APBB2: variants seen among roughly 807,000 people sequenced by gnomAD.
APBB2 encodes amyloid beta precursor protein binding family B member 2.
A neutral mutation model predicts 82.5 loss-of-function variants in APBB2; 38 were observed. The ratio of observed to expected loss-of-function variants is 0.46; its 90% confidence interval spans 0.36 to 0.60. The LOEUF is 0.60. Among genes scored for constraint, APBB2 ranks in the 20% least tolerant of loss-of-function variants. The probability of loss-of-function intolerance (pLI) is 0.00; values close to 1 mark genes in which losing one functional copy is unlikely to be tolerated. For synonymous variants in APBB2, 341 were observed against 368.2 expected, an observed-to-expected ratio of 0.93 and a Z score of 0.85; for missense variants, 772 against 972.3, an observed-to-expected ratio of 0.79 and a Z score of 2.74.
At chr4:40,979,584 A>G (rs1244505788) in intron 6 of APBB2, among the ~76,000 whole-genome samples, 1 of 152,244 alleles carries the variant, frequency 6.6e-6, no homozygotes, top group Non-Finnish European at 1.5e-5. Context: ...GCAAGCTCCT[A>G]AGAGAGAAGC....
rs112323153 is a variant in APBB2 at position 40,845,636 on chromosome 4, T to C, written c.1530-15059A>G. 4.7e-3 allele frequency among the ~76,000 whole-genome samples: 552 copies of C among 118,644 alleles called. 8 individuals carry two copies. The highest frequency in any genetic ancestry group is 0.017 in the African/African-American group (528 of 30,284). The allele number at this position is 118,644 out of a possible 152,430, so 77.8% of individuals were successfully genotyped here. A position where few individuals can be genotyped will look rare whatever the true frequency, so the allele number is the denominator to read the frequency against. On this transcript the variant is annotated intron_variant, in intron 12 of 17. Coordinates refer to ENST00000508593, the MANE Select transcript of APBB2 (RefSeq NM_004307.2). ...AAAAACCAGCACACCAGAATGACAA[T>C]GTCTATTCCAGCTTTTTGGAAGAGG...
chr4:41,121,965 C>G (rs1752976486), intron 2 of APBB2, among the ~76,000 whole-genome samples: 1 of 152,016 alleles, frequency 6.6e-6, no homozygotes, highest in African/African-American at 2.4e-5. Flanking sequence ...CTCACACTGT[C>G]ACCAAAGCTG....
intron 10 of APBB2, among the ~76,000 whole-genome samples, chr4:40,899,747 G>A (rs1341637452): frequency 6.6e-6 from 1 of 152,118 alleles, no homozygotes; most frequent in Non-Finnish European, 1.5e-5. Context: ...CTAGGTTTCT[G>A]TCCTTTTCCT....
intron 4 of APBB2, among the ~76,000 whole-genome samples, chr4:41,036,303 G>A (rs1020616912): frequency 1.2e-4 from 18 of 152,154 alleles, no homozygotes; most frequent in African/African-American, 4.1e-4. Context: ...CTCAAATACC[G>A]AGGGATGACT....
chr4:41,037,984 G>A (rs1719908440), intron 4 of APBB2, among the ~76,000 whole-genome samples: 2 of 152,084 alleles, frequency 1.3e-5, no homozygotes, highest in African/African-American at 4.8e-5. Flanking sequence ...GCCACTACAA[G>A]TTCTACACTG....
chr4:40,828,609 C>T (rs370896463), intron 13 of APBB2, among the ~76,000 whole-genome samples: 27 of 152,300 alleles, frequency 1.8e-4, no homozygotes, highest in African/African-American at 6.5e-4. Context: ...GGTCATTGCC[C>T]TCTCCCCAGT....
chr4:41,208,114 G>A lies in APBB2; in HGVS notation c.-417+6291C>T, dbSNP rs144895819. Among the ~76,000 whole-genome samples, 209 of 152,230 alleles carry A rather than the reference G, an allele frequency of 1.4e-3. 2 individuals carry two copies. The highest frequency in any genetic ancestry group is 4.4e-3 in the African/African-American group (184 of 41,540). ...GTGGAAACTGAGCTCTGACTTACACGACAGGGACACATCCCATACCTCCAG... is the reference window on the plus strand; with the variant it reads ...GTGGAAACTGAGCTCTGACTTACACAACAGGGACACATCCCATACCTCCAG... On this transcript the variant is annotated intron_variant, in intron 1 of 17. Transcript: ENST00000508593.
At chr4:40,818,805 T>C (rs1746732157) in intron 17 of APBB2, among the ~76,000 whole-genome samples, 1 of 152,192 alleles carries the variant, frequency 6.6e-6, no homozygotes, top group Non-Finnish European at 1.5e-5. Flanking sequence ...CCCTCCTTCC[T>C]GCTCTATTTC....
At chr4:41,195,996 C>T in intron 1 of APBB2, among the ~76,000 whole-genome samples, 6 of 151,278 alleles carry the variant, frequency 4.0e-5, no homozygotes, top group Non-Finnish European at 7.4e-5. Flanking sequence ...CCGTCTCTAC[C>T]GAAACTACAA....
intron 10 of APBB2, among the ~76,000 whole-genome samples, chr4:40,907,363 ATATATATATATATATATTTTTTT>A (rs1328524404): frequency 3.6e-4 from 33 of 91,178 alleles, no homozygotes; most frequent in African/African-American, 1.4e-3. Context: ...ATATATATAT[ATATATATATATATATATTTTTTT>A]TTTTTTTTTT....
At chr4:40,894,224 C>T (rs2154353358) in intron 10 of APBB2, among the ~76,000 whole-genome samples, 1 of 150,146 alleles carries the variant, frequency 6.7e-6, no homozygotes, top group Admixed American at 6.7e-5. Flanking sequence ...GAAGGCAGAG[C>T]TTGCAGTGAG....
intron 10 of APBB2, among the ~76,000 whole-genome samples, chr4:40,932,072 C>T (rs1185663467): frequency 2.0e-4 from 31 of 152,218 alleles, no homozygotes; most frequent in Admixed American, 2.0e-3. Context: ...GCCCAACCCA[C>T]TGACTTGGAT....
intron 2 of APBB2, among the ~76,000 whole-genome samples, chr4:41,137,402 A>T (rs187602598): frequency 6.6e-6 from 1 of 152,336 alleles, no homozygotes; most frequent in East Asian, 1.9e-4. Context: ...AAAGTCATAT[A>T]TATAGTAATC....
intron 1 of APBB2, among the ~76,000 whole-genome samples, chr4:41,205,343 G>A (rs2154078658): frequency 6.6e-6 from 1 of 152,262 alleles, no homozygotes; most frequent in Middle Eastern, 3.4e-3. Flanking sequence ...AGAGAAGGGA[G>A]CTATGGCAAT....
chr4:41,025,784 T>C (rs750932028), intron 5 of APBB2, among the ~76,000 whole-genome samples: 14 of 142,368 alleles, frequency 9.8e-5, no homozygotes, highest in Non-Finnish European at 1.8e-4. Context: ...CTGGGTGTGG[T>C]GGTAGATGCC....
chr4:41,174,340 T>G (rs1769173209), intron 1 of APBB2, among the ~76,000 whole-genome samples: 1 of 152,178 alleles, frequency 6.6e-6, no homozygotes, highest in South Asian at 2.1e-4. Context: ...TCAAGAAAGC[T>G]ATAAACCTGC....
At chr4:41,180,491 C>T (rs1172680041) in intron 1 of APBB2, among the ~76,000 whole-genome samples, 2 of 152,030 alleles carry the variant, frequency 1.3e-5, no homozygotes. Flanking sequence ...ATTAGCCAGT[C>T]ATAGTGGTGG....
chr4:41,187,393 T>C (rs1202444019), intron 1 of APBB2, among the ~76,000 whole-genome samples: 2 of 152,258 alleles, frequency 1.3e-5, no homozygotes, highest in East Asian at 1.9e-4. Context: ...TAATACACAG[T>C]TGTACCAATA....
intron 3 of APBB2, among the ~76,000 whole-genome samples, chr4:41,094,915 G>C (rs1041439238): frequency 5.3e-5 from 8 of 152,148 alleles, no homozygotes; most frequent in Non-Finnish European, 1.2e-4. Flanking sequence ...TATTAAGCAA[G>C]GTGCTACGAA....
Sources: allele counts gnomAD v4.1 joint callset (sites outside exome capture counted in the v4.1 genomes callset), GRCh38; gene constraint gnomAD v4.1.1; transcripts MANE v1.5; gene names NCBI Gene and HGNC (gene_info 2026-07-23, HGNC 2026-07-21).